XYLT1: variants seen among roughly 807,000 people sequenced by gnomAD.
The protein encoded by XYLT1 is beta-D-xylosyltransferase 1.
XYLT1 carries 36 observed loss-of-function variants against 91.3 expected under a neutral mutation model. The observed-to-expected ratio is 0.39, with a 90% CI of 0.30 to 0.52. XYLT1 has a LOEUF of 0.52. Among genes scored for constraint, XYLT1 ranks in the 20% least tolerant of loss-of-function variants. The probability of loss-of-function intolerance (pLI) is 0.68; values close to 1 mark genes in which losing one functional copy is unlikely to be tolerated. For synonymous variants in XYLT1, 588 were observed against 532.0 expected (o/e 1.11, Z -1.45); for missense variants, 1,242 against 1,284.5 (o/e 0.97, Z 0.51).
intron 3 of XYLT1, among the ~76,000 whole-genome samples, chr16:17,225,380 G>A (rs2033045032): frequency 6.6e-6 from 1 of 152,058 alleles, no homozygotes; most frequent in African/African-American, 2.4e-5. Flanking sequence ...AAAATATTAA[G>A]AGTGTCAAGA....
intron 2 of XYLT1, among the ~76,000 whole-genome samples, chr16:17,337,768 A>AATTTTTCTTTTTTTTTT (rs1272127217): frequency 9.8e-6 from 1 of 102,552 alleles, no homozygotes. Flanking sequence ...TCTGTTCCAC[A>AATTTTTCTTTTTTTTTT]TTTTTTCTTT....
intron 2 of XYLT1, among the ~76,000 whole-genome samples, chr16:17,351,173 T>C (rs1461698628): frequency 1.3e-5 from 2 of 152,178 alleles, no homozygotes; most frequent in South Asian, 2.1e-4. Flanking sequence ...TCATGGGTCA[T>C]TGTGTACCCA....
intron 1 of XYLT1, among the ~76,000 whole-genome samples, chr16:17,376,016 A>C (rs1402615320): frequency 6.6e-6 from 1 of 152,252 alleles, no homozygotes; most frequent in Non-Finnish European, 1.5e-5. Flanking sequence ...TACTGTTAAT[A>C]AACCCTGACC....
chr16:17,374,652 AAC>A (rs1491030975), intron 1 of XYLT1, among the ~76,000 whole-genome samples: 2 of 151,870 alleles, frequency 1.3e-5, no homozygotes, highest in Non-Finnish European at 2.9e-5. Context: ...GAAAAAAAAA[AAC>A]AAGAGGTGAT....
At position 17,210,663 on chromosome 16, in the gene XYLT1, C is replaced by T. The variant is rs112888850; in HGVS notation, c.914-10009G>A. Reference sequence around the variant, plus strand: ...CTGGGCTCAAGTGATCTTCCCCCTTCAGCCTCCCAGTGCTGGGATTACAGG... The same window carrying T: ...CTGGGCTCAAGTGATCTTCCCCCTTTAGCCTCCCAGTGCTGGGATTACAGG... On this transcript the variant is annotated intron_variant, in intron 3 of 11. Coordinates refer to ENST00000261381, the MANE Select transcript of XYLT1 (RefSeq NM_022166.4). 2.8e-3 allele frequency among the ~76,000 whole-genome samples: 433 copies of T among 152,312 alleles called. 7 individuals are homozygous for T. Among genetic ancestry groups the T allele is most frequent in the African/African-American group, 9.9e-3 (411 of 41,558 alleles).
intron 3 of XYLT1, among the ~76,000 whole-genome samples, chr16:17,249,024 G>A (rs1473901178): frequency 2.0e-5 from 3 of 151,818 alleles, no homozygotes; most frequent in Non-Finnish European, 4.4e-5. Context: ...CCTGGCCTAC[G>A]TGCACATTTT....
intron 2 of XYLT1, among the ~76,000 whole-genome samples, chr16:17,320,849 T>C (rs2034708130): frequency 1.3e-5 from 2 of 151,662 alleles, no homozygotes; most frequent in South Asian, 4.2e-4. Context: ...TTAATGATAA[T>C]AGTTCCTGAC....
At chr16:17,241,463 G>A (rs985944119) in intron 3 of XYLT1, among the ~76,000 whole-genome samples, 14 of 152,226 alleles carry the variant, frequency 9.2e-5, no homozygotes, top group African/African-American at 3.4e-4. Flanking sequence ...CCGTGGCTTC[G>A]CTGGGCCTCC....
intron 1 of XYLT1, among the ~76,000 whole-genome samples, chr16:17,443,996 T>TC (rs1350746542): frequency 6.6e-6 from 1 of 152,032 alleles, no homozygotes; most frequent in Non-Finnish European, 1.5e-5. Flanking sequence ...CCCACCAGGC[T>TC]CCCCTCACTC....
intron 1 of XYLT1, among the ~76,000 whole-genome samples, chr16:17,439,973 A>C (rs1443433695): frequency 6.6e-6 from 1 of 152,216 alleles, no homozygotes; most frequent in Non-Finnish European, 1.5e-5. Flanking sequence ...TTGGTTCTAA[A>C]AAGACTGCAG....
At chr16:17,142,964 T>G (rs55856034) in intron 6 of XYLT1, among the ~76,000 whole-genome samples, 1 of 152,188 alleles carries the variant, frequency 6.6e-6, no homozygotes, top group Admixed American at 6.5e-5. Context: ...GAACCTCCCC[T>G]GAATTTTTCC....
chr16:17,104,807 G>A lies in XYLT1; in HGVS notation c.*3888C>T, dbSNP rs1406650303. On this transcript the variant is annotated 3_prime_UTR_variant, in exon 12 of 12. Transcript: ENST00000261381. ...GGGCTGAGTAGCAGCTGCTCATTCT[G>A]GGTAGGTCACGTGCATGCCAGTAAG... The A allele has an allele frequency of 6.6e-6, 1 of 152,184 alleles. No homozygotes were observed. The highest frequency in any genetic ancestry group is 1.5e-5 in the Non-Finnish European group (1 of 68,040). The allele number at this position is 152,184 out of a possible 1,614,324, so 9.4% of individuals were successfully genotyped here.
At chr16:17,192,812 T>TC (rs1171577051) in intron 5 of XYLT1, 2 of 63,732 alleles carry the variant, frequency 3.1e-5, no homozygotes, top group African/African-American at 1.5e-4. Context: ...CCCACCCTTT[T>TC]TTTTTTTTTT....
chr16:17,367,506 A>G (rs1449658741), intron 1 of XYLT1, among the ~76,000 whole-genome samples: 3 of 152,198 alleles, frequency 2.0e-5, no homozygotes, highest in Non-Finnish European at 4.4e-5. Flanking sequence ...AGGTGGCCCA[A>G]CTGGAACCAA....
intron 3 of XYLT1, among the ~76,000 whole-genome samples, chr16:17,248,557 C>G (rs2033480692): frequency 6.6e-6 from 1 of 152,052 alleles, no homozygotes; most frequent in Non-Finnish European, 1.5e-5. Flanking sequence ...CCCTGTTGGT[C>G]TTGTGAGTGT....
intron 1 of XYLT1, among the ~76,000 whole-genome samples, chr16:17,418,232 T>C (rs2036204239): frequency 6.6e-6 from 1 of 152,224 alleles, no homozygotes; most frequent in African/African-American, 2.4e-5. Flanking sequence ...GTTGTTCAGC[T>C]TGTACACACC....
intron 3 of XYLT1, among the ~76,000 whole-genome samples, chr16:17,247,160 CAT>C (rs2033449020): frequency 3.6e-5 from 5 of 137,778 alleles, no homozygotes; most frequent in South Asian, 2.4e-4. Context: ...TTCATTTATT[CAT>C]TCACTCATTC....
At chr16:17,379,215 A>T (rs1299272863) in intron 1 of XYLT1, among the ~76,000 whole-genome samples, 1 of 152,224 alleles carries the variant, frequency 6.6e-6, no homozygotes, top group East Asian at 1.9e-4. Context: ...CGCTCCAAGG[A>T]GACACCTCCT....
intron 2 of XYLT1, among the ~76,000 whole-genome samples, chr16:17,332,597 C>T (rs957415382): frequency 2.0e-4 from 30 of 151,844 alleles, no homozygotes; most frequent in African/African-American, 7.2e-4. Context: ...CACACACACA[C>T]ACACACACAC....
Sources: gnomAD v4.1 joint callset for allele counts (sites outside exome capture counted in the v4.1 genomes callset) on GRCh38, gnomAD v4.1.1 for gene constraint, MANE v1.5 for transcripts, NCBI Gene and HGNC (gene_info 2026-07-23, HGNC 2026-07-21) for gene names.